The following DAB2IP variants were observed in gnomAD, a reference collection of about 807,000 sequenced individuals.
The protein encoded by DAB2IP is disabled homolog 2-interacting protein.
A neutral mutation model predicts 107.2 loss-of-function variants in DAB2IP; 28 were observed. The ratio of observed to expected loss-of-function variants is 0.26; its 90% CI spans 0.19 to 0.36. DAB2IP has a LOEUF of 0.36. DAB2IP is among the 10% of genes least tolerant of loss of function. The probability of loss-of-function intolerance (pLI) is 1.00; values close to 1 mark genes in which losing one functional copy is unlikely to be tolerated. For synonymous variants in DAB2IP, 755 were observed against 706.4 expected (o/e 1.07, Z -1.09); for missense variants, 1,400 against 1,644.7 (o/e 0.85, Z 2.57).
At chr9:121,570,147 T>C (rs1167452964) in intron 1 of DAB2IP, among the ~76,000 whole-genome samples, 1 of 146,632 alleles carries the variant, frequency 6.8e-6, no homozygotes, top group African/African-American at 2.6e-5. Context: ...GGTCTTACTC[T>C]GTCATCCAGG....
intron 3 of DAB2IP, among the ~76,000 whole-genome samples, chr9:121,716,770 G>T (rs892992523): frequency 2.6e-5 from 4 of 152,142 alleles, no homozygotes; most frequent in African/African-American, 9.7e-5. Flanking sequence ...TCCCAGATTG[G>T]CCAAAGACCA....
At position 121,776,460 on chromosome 9, in the gene DAB2IP, C is replaced by T. The variant is rs934427832; in HGVS notation, c.3314+69C>T. The T allele has an allele frequency of 1.3e-5, 19 of 1,437,926 alleles. No homozygotes were observed. The highest frequency in any genetic ancestry group is 2.9e-5 in the African/African-American group (2 of 69,252). The allele number at this position is 1,437,926 out of a possible 1,614,324, so 89.1% of individuals were successfully genotyped here. ...GCAGCCATCGCTGCCTTCGAGGAGG[C>T]CCCTGGTCGGGGAGCCTCCTCAAAG... On this transcript the variant is annotated intron_variant, in intron 14 of 15. Coordinates refer to ENST00000408936, the Ensembl canonical transcript of DAB2IP. This position sits in a 1 kb window ranked among gnomAD's most constrained non-coding sequence, Gnocchi z 5.4.
chr9:121,645,727 C>T (rs12002963), intron 1 of DAB2IP, among the ~76,000 whole-genome samples: 12,442 of 152,216 alleles, frequency 0.082, 710 homozygotes, highest in East Asian at 0.18. Context: ...GCCTCAGCTT[C>T]CCCCGTTCAT....
intron 2 of DAB2IP, among the ~76,000 whole-genome samples, chr9:121,687,171 A>G (rs1008178784): frequency 6.6e-6 from 1 of 152,192 alleles, no homozygotes; most frequent in African/African-American, 2.4e-5. Flanking sequence ...CTGGCTAAAC[A>G]AGGTGTAGAA....
chr9:121,654,811 T>C (rs1832908438), intron 1 of DAB2IP, among the ~76,000 whole-genome samples: 1 of 152,282 alleles, frequency 6.6e-6, no homozygotes, highest in Middle Eastern at 3.4e-3. Flanking sequence ...CATCTCAGCC[T>C]GGATCAGACT....
intron 2 of DAB2IP, among the ~76,000 whole-genome samples, chr9:121,685,588 G>C (rs114270486): frequency 6.6e-6 from 1 of 152,248 alleles, no homozygotes; most frequent in African/African-American, 2.4e-5. Flanking sequence ...AGGGGCAGGA[G>C]CCCAGCTCTC....
chr9:121,700,178 C>A (rs1026657116), intron 3 of DAB2IP, among the ~76,000 whole-genome samples: 5 of 152,186 alleles, frequency 3.3e-5, no homozygotes, highest in Admixed American at 3.3e-4. Flanking sequence ...CTGGGCCAGC[C>A]GGGAGCAGGT....
intron 3 of DAB2IP, among the ~76,000 whole-genome samples, chr9:121,712,547 A>G (rs901133527): frequency 1.3e-5 from 2 of 152,024 alleles, no homozygotes; most frequent in Non-Finnish European, 2.9e-5. Context: ...AGATTTCTAA[A>G]TCCCTTTTGA....
chr9:121,778,323 A>G (rs1273426229), intron 14 of DAB2IP, among the ~76,000 whole-genome samples: 1 of 152,206 alleles, frequency 6.6e-6, no homozygotes, highest in Non-Finnish European at 1.5e-5. Flanking sequence ...AGGTGTCAAC[A>G]TATGAATTTA....
Position 121,776,212 on chromosome 9 carries a change from G to A in DAB2IP, c.3135G>A (p.Leu1045=), listed in dbSNP as rs765704714. ...CCTCCTGGTAGGACCTGGCGGTGCT[G>A]CAGGACAAGCTGCGAATCTCCACCA... Residue 1045 remains leucine, a synonymous_variant, in exon 14 of 16, where the codon CTG becomes CTA. Transcript: ENST00000408936. The surrounding 1 kb of genome is among the most constrained non-coding windows in gnomAD (Gnocchi z 5.4). The A allele has an allele frequency of 1.9e-6, 3 of 1,577,068 alleles. No individual in the cohort carries two copies. Among genetic ancestry groups the A allele is most frequent in the Non-Finnish European group, 2.6e-6 (3 of 1,161,756 alleles).
At chr9:121,704,268 A>G (rs1455172069) in intron 3 of DAB2IP, among the ~76,000 whole-genome samples, 1 of 152,214 alleles carries the variant, frequency 6.6e-6, no homozygotes, top group Non-Finnish European at 1.5e-5. Flanking sequence ...TCCTGTAATA[A>G]TTCATACCCC....
At chr9:121,775,133 A>G (rs1267048708) in intron 13 of DAB2IP, among the ~76,000 whole-genome samples, 2 of 152,118 alleles carry the variant, frequency 1.3e-5, no homozygotes, top group Non-Finnish European at 2.9e-5. Context: ...TTTGTCTCCT[A>G]CTGCCAGCTG....
chr9:121,577,135 G>A (rs1830079890), intron 1 of DAB2IP, among the ~76,000 whole-genome samples: 2 of 152,166 alleles, frequency 1.3e-5, no homozygotes, highest in Admixed American at 1.3e-4. Context: ...ACTCCGCATC[G>A]CCCAGCACAG....
chr9:121,763,982 T>C, intron 8 of DAB2IP, 103 bp downstream of exon 8: 1 of 1,506,224 alleles, frequency 6.6e-7, no homozygotes, highest in East Asian at 2.3e-5. Flanking sequence ...CCCTGAGTTG[T>C]ACTGACTTGC....
intron 14 of DAB2IP, among the ~76,000 whole-genome samples, chr9:121,780,500 G>A (rs1034882568): frequency 7.9e-5 from 12 of 152,202 alleles, no homozygotes; most frequent in African/African-American, 2.9e-4. Context: ...CTAGGCTGGA[G>A]GAATCAAGAG....
intron 3 of DAB2IP, among the ~76,000 whole-genome samples, chr9:121,730,607 A>T (rs577129983): frequency 6.6e-6 from 1 of 152,328 alleles, no homozygotes; most frequent in East Asian, 1.9e-4. Flanking sequence ...GGTATTAGAC[A>T]TTTAATGTCC....
At chr9:121,568,984 T>C (rs1589365050) in intron 1 of DAB2IP, among the ~76,000 whole-genome samples, 1 of 150,970 alleles carries the variant, frequency 6.6e-6, no homozygotes, top group South Asian at 2.1e-4. Context: ...GGCAGGGAGG[T>C]AAGGGATTCA....
chr9:121,666,901 CACACACACACACACA>C (rs1833460175), intron 1 of DAB2IP, among the ~76,000 whole-genome samples: 3 of 128,778 alleles, frequency 2.3e-5, no homozygotes, highest in African/African-American at 7.7e-5. Context: ...CACACACACA[CACACACACACACACA>C]ACACTCTTAA....
chr9:121,774,370 G>C lies in DAB2IP; in HGVS notation c.3078G>C (p.Arg1026Ser). 3 of 1,612,852 alleles carry C rather than the reference G, an allele frequency of 1.9e-6. No individual in the cohort carries two copies. In the South Asian group the frequency reaches 3.3e-5, roughly 18 times the overall value. Residue 1026 changes from arginine to serine, a missense_variant, in exon 13 of 16, where the codon AGG (arginine) becomes AGC (serine). Arg to Ser is a moderately radical substitution (Grantham distance 110). Coordinates refer to ENST00000408936, the Ensembl canonical transcript of DAB2IP. The stretch of plus-strand genomic sequence containing the variant: ...GCCTGGGCCCAGACCCCCCCCACAG[G>C]GATAGGCTAAGGAGTAAGGACGAGC...
Sources: gnomAD v4.1 joint callset for allele counts (sites outside exome capture counted in the v4.1 genomes callset) on GRCh38, gnomAD v4.1.1 for gene constraint, Gnocchi (gnomAD v3.1) non-coding constraint, MANE v1.5 for transcripts, NCBI Gene and HGNC (gene_info 2026-07-23, HGNC 2026-07-21) for gene names.